The following TBC1D30 variants were observed in gnomAD, a reference collection of about 807,000 sequenced individuals.
TBC1D30 encodes TBC1 domain family member 30.
A neutral mutation model predicts 63.2 loss-of-function variants in TBC1D30; 31 were observed. The ratio of observed to expected loss-of-function variants is 0.49; its 90% CI spans 0.37 to 0.66. TBC1D30 has a LOEUF of 0.66. Ranked by LOEUF, TBC1D30 falls within the 30% of genes least tolerant of loss-of-function variation. The probability of loss-of-function intolerance (pLI) is 0.00; values close to 1 mark genes in which losing one functional copy is unlikely to be tolerated. For missense variants in TBC1D30, 810 were observed against 953.6 expected (o/e 0.85, Z 1.98); for synonymous variants, 307 against 361.5 (o/e 0.85, Z 1.71).
At chr12:64,777,785 A>G (rs139806240), upstream of TBC1D30, among the ~76,000 whole-genome samples, 2 of 152,346 alleles carry the variant, frequency 1.3e-5, no homozygotes, top group Non-Finnish European at 2.9e-5. Context: ...ACCAAAAAGG[A>G]GTCTTGCTCT....
intron 8 of TBC1D30, among the ~76,000 whole-genome samples, chr12:64,849,036 C>T (rs1207542484): frequency 6.6e-6 from 1 of 152,102 alleles, no homozygotes; most frequent in South Asian, 2.1e-4. Context: ...TGATGATGAG[C>T]TTTCTTTCAT....
chr12:64,832,256 T>A lies in TBC1D30; in HGVS notation c.546T>A (p.Ala182=). 1 of 1,536,162 alleles carries A rather than the reference T, an allele frequency of 6.5e-7. No individual in the cohort carries two copies. The highest frequency in any genetic ancestry group is 8.7e-7 in the Non-Finnish European group (1 of 1,146,906). ...VGYCQGFNIL[A]ALILEVMEGN... The stretch of plus-strand genomic sequence containing the variant: ...ACTGCCAAGGCTTTAACATCCTGGC[T>A]GCACTAATTCTGGAAGTGATGGAAG... Residue 182 remains alanine, a synonymous_variant, in exon 5 of 12, where the codon GCT becomes GCA. Transcript: ENST00000539867.
chr12:64,824,634 G>T, upstream of TBC1D30: 1 of 396,050 alleles, frequency 2.5e-6, no homozygotes, highest in Non-Finnish European at 4.4e-6. Flanking sequence ...CGCCTCGAGC[G>T]ATCTCCTGCC....
At chr12:64,867,966 C>G (rs1201416202) in intron 10 of TBC1D30, 1 of 152,528 alleles carries the variant, frequency 6.6e-6, no homozygotes, top group Admixed American at 6.5e-5. Flanking sequence ...GTTCATCCTT[C>G]TAATAAGCCT....
At position 64,875,693 on chromosome 12, in the gene TBC1D30, G is replaced by A; in HGVS notation, c.2191G>A (p.Gly731Ser). The part of the protein sequence containing the change: ...SATARNLGLY[G>S]PTERTPTVHF... ...TACTGCCAGGAACTTGGGATTATAT[G>A]GCCCTACAGAAAGAACCCCAACTGT... The change falls in exon 12 of 12, where the codon GGC (glycine) becomes AGC (serine). Residue 731 changes from glycine to serine, a missense_variant. Gly to Ser is a moderately conservative substitution (Grantham distance 56, BLOSUM62 0). Coordinates refer to ENST00000539867, the MANE Select transcript of TBC1D30 (RefSeq NM_015279.2). 1.3e-6 allele frequency: 2 copies of A among 1,536,542 alleles called. No individual in the cohort carries two copies. The highest frequency in any genetic ancestry group is 3.9e-5 in the Admixed American group (2 of 51,002).
upstream of TBC1D30, among the ~76,000 whole-genome samples, chr12:64,778,342 C>T (rs1266969709): frequency 6.6e-6 from 1 of 151,744 alleles, no homozygotes; most frequent in East Asian, 1.9e-4. Flanking sequence ...TATCAATGAA[C>T]AAAATAGACA....
intron 2 of TBC1D30, among the ~76,000 whole-genome samples, chr12:64,799,632 A>G (rs1356764052): frequency 6.6e-6 from 1 of 152,224 alleles, no homozygotes; most frequent in Non-Finnish European, 1.5e-5. Context: ...TTCTCCAATA[A>G]CATGCAAGAA....
chr12:64,848,761 A>G lies in TBC1D30; in HGVS notation c.1038+5276A>G, dbSNP rs545689699. On this transcript the variant is annotated intron_variant, in intron 8 of 11. Coordinates refer to ENST00000539867, the MANE Select transcript of TBC1D30 (RefSeq NM_015279.2). ...AGTGTGCATGTGTCTTTATGGTAGA[A>G]TGATTTACAATCCTTTGGGTATATA... Among the ~76,000 whole-genome samples, 4 of 152,324 alleles carry G rather than the reference A, an allele frequency of 2.6e-5. No homozygotes were observed. The South Asian group carries it at 8.3e-4, about 32-fold the overall frequency.
chr12:64,834,767 T>C (rs1193560694), intron 5 of TBC1D30, among the ~76,000 whole-genome samples: 2 of 127,830 alleles, frequency 1.6e-5, no homozygotes, highest in Non-Finnish European at 3.2e-5. Context: ...CAGTGGTGGG[T>C]GGTTTGAGTG....
At chr12:64,814,924 G>A (rs531868178) in intron 2 of TBC1D30, among the ~76,000 whole-genome samples, 19 of 152,298 alleles carry the variant, frequency 1.2e-4, no homozygotes, top group South Asian at 6.2e-4. Context: ...AGATAAAAGT[G>A]AAAGTAAATC....
chr12:64,837,241 C>T (rs111527414), intron 6 of TBC1D30, among the ~76,000 whole-genome samples: 4 of 152,134 alleles, frequency 2.6e-5, no homozygotes, highest in South Asian at 2.1e-4. Flanking sequence ...GACCAGTTTC[C>T]GGGAAGACAG....
chr12:64,855,028 G>T (rs1388196806), intron 8 of TBC1D30, among the ~76,000 whole-genome samples: 1 of 152,082 alleles, frequency 6.6e-6, no homozygotes, highest in African/African-American at 2.4e-5. Context: ...GTCTAGGAAG[G>T]TCTTTATTCT....
chr12:64,852,255 A>G (rs1437026144), intron 8 of TBC1D30, among the ~76,000 whole-genome samples: 1 of 151,612 alleles, frequency 6.6e-6, no homozygotes, highest in Non-Finnish European at 1.5e-5. Flanking sequence ...TTCGTGCTTT[A>G]TTTAGTCTCT....
intron 2 of TBC1D30, among the ~76,000 whole-genome samples, chr12:64,798,899 G>A (rs961768894): frequency 3.4e-5 from 5 of 145,276 alleles, no homozygotes; most frequent in Non-Finnish European, 4.5e-5. Flanking sequence ...TGCAAGCTCC[G>A]CCTCCCTGGT....
chr12:64,811,705 A>G (rs1873230685), intron 2 of TBC1D30, among the ~76,000 whole-genome samples: 1 of 152,088 alleles, frequency 6.6e-6, no homozygotes, highest in African/African-American at 2.4e-5. Flanking sequence ...TTATCATGAG[A>G]TTTTTTTGTT....
chr12:64,829,706 A>G (rs1565662718), intron 3 of TBC1D30, among the ~76,000 whole-genome samples: 1 of 152,248 alleles, frequency 6.6e-6, no homozygotes, highest in Non-Finnish European at 1.5e-5. Context: ...AACTTGAAAT[A>G]CACACTTAGG....
chr12:64,814,777 T>C (rs1383931363), intron 2 of TBC1D30, among the ~76,000 whole-genome samples: 3 of 152,228 alleles, frequency 2.0e-5, no homozygotes, highest in African/African-American at 7.2e-5. Flanking sequence ...AAAGTGTATA[T>C]ATTAAGAGCT....
rs1475631572 is a variant in TBC1D30, at chr12:64,877,963, C to T, written c.*2175C>T. 1 of 157,970 alleles carries T rather than the reference C, an allele frequency of 6.3e-6. No individual in the cohort carries two copies. The highest frequency in any genetic ancestry group is 2.4e-5 in the African/African-American group (1 of 41,588). 9.8% of individuals were successfully genotyped at this position (157,970 alleles called of 1,614,324 possible). ...ACTTATACAAGTCCTTGGGATTGTA[C>T]CATTGCTGTCCACAAACTTAGTATC... is the stretch of plus-strand genomic sequence containing the variant. On this transcript the variant is annotated 3_prime_UTR_variant, in exon 12 of 12. Coordinates refer to ENST00000539867, the MANE Select transcript of TBC1D30 (RefSeq NM_015279.2).
intron 2 of TBC1D30, among the ~76,000 whole-genome samples, chr12:64,791,690 G>T (rs1162145602): frequency 1.3e-5 from 2 of 151,146 alleles, no homozygotes; most frequent in South Asian, 2.1e-4. Context: ...TTGTGTGTGT[G>T]TGTGTGTTTG....
Sources: gnomAD v4.1 joint callset for allele counts (sites outside exome capture counted in the v4.1 genomes callset) on GRCh38, gnomAD v4.1.1 for gene constraint, MANE v1.5 for transcripts, NCBI Gene and HGNC (gene_info 2026-07-23, HGNC 2026-07-21) for gene names.